The following LGSN variants were observed in gnomAD, a reference collection of about 807,000 sequenced individuals.
LGSN encodes the protein lengsin.
In LGSN, 21 loss-of-function variants were observed where a neutral mutation model predicts 19.5. That is an observed-to-expected ratio of 1.07 (90% CI 0.76 to 1.55). LGSN has a LOEUF of 1.55. LGSN is among the 40% of genes most tolerant of loss of function. The pLI is 0.00. For missense variants in LGSN, 673 were observed against 608.5 expected, an observed-to-expected ratio of 1.11 and a Z score of -1.12; for synonymous variants, 257 against 215.6, an observed-to-expected ratio of 1.19 and a Z score of -1.68.
At chr6:63,407,541 G>T in the LGSN span, among the ~76,000 whole-genome samples, 5 of 152,138 alleles carry the variant, frequency 3.3e-5, no homozygotes, top group South Asian at 8.3e-4. Context: ...AAAATAATAA[G>T]AACTATCTAT....
chr6:63,433,618 A>G, the LGSN span, among the ~76,000 whole-genome samples: 1 of 152,226 alleles, frequency 6.6e-6, no homozygotes, highest in Admixed American at 6.5e-5. Context: ...ACTTTTGCCA[A>G]TTGAAATAAT....
the LGSN span, among the ~76,000 whole-genome samples, chr6:63,404,112 T>C: frequency 6.6e-6 from 1 of 152,156 alleles, no homozygotes; most frequent in Non-Finnish European, 1.5e-5. Context: ...GACACTTTAA[T>C]TGCAGCCTAT....
At chr6:63,323,358 T>G (rs114025775), upstream of LGSN, among the ~76,000 whole-genome samples, 2,465 of 152,236 alleles carry the variant, frequency 0.016, 71 homozygotes, top group African/African-American at 0.057. Flanking sequence ...TAGTATACAT[T>G]GTACCTGTTA....
chr6:63,523,220 A>G, the LGSN span, among the ~76,000 whole-genome samples: 1 of 152,100 alleles, frequency 6.6e-6, no homozygotes, highest in Non-Finnish European at 1.5e-5. Flanking sequence ...AAAAACAACT[A>G]TAAAGTAAGT....
At chr6:63,437,988 G>A in the LGSN span, among the ~76,000 whole-genome samples, 9 of 152,056 alleles carry the variant, frequency 5.9e-5, no homozygotes, top group South Asian at 4.1e-4. Flanking sequence ...GTCTCTCTCC[G>A]TACTCTAATC....
intron 1 of LGSN, among the ~76,000 whole-genome samples, chr6:63,307,295 C>A (rs1202466261): frequency 6.6e-6 from 1 of 152,168 alleles, no homozygotes; most frequent in African/African-American, 2.4e-5. Context: ...CCCAAGCTCA[C>A]AAGTCTCATA....
chr6:63,544,439 C>T, the LGSN span, among the ~76,000 whole-genome samples: 1 of 152,040 alleles, frequency 6.6e-6, no homozygotes, highest in Non-Finnish European at 1.5e-5. Context: ...TATATATTCT[C>T]TTACATAACT....
chr6:63,436,127 T>C, the LGSN span, among the ~76,000 whole-genome samples: 1 of 152,164 alleles, frequency 6.6e-6, no homozygotes, highest in African/African-American at 2.4e-5. Flanking sequence ...GACCACCTCA[T>C]GTAAAGTAGC....
the LGSN span, among the ~76,000 whole-genome samples, chr6:63,358,450 C>T: frequency 1.3e-5 from 2 of 152,130 alleles, no homozygotes; most frequent in African/African-American, 4.8e-5. Context: ...AATATTGATT[C>T]TTCCTACCCA....
chr6:63,496,313 C>T, the LGSN span, among the ~76,000 whole-genome samples: 1 of 152,170 alleles, frequency 6.6e-6, no homozygotes, highest in Admixed American at 6.6e-5. Flanking sequence ...TAGATTTTGA[C>T]CTTACTGATG....
the LGSN span, among the ~76,000 whole-genome samples, chr6:63,558,855 A>T: frequency 1.3e-5 from 2 of 152,220 alleles, no homozygotes; most frequent in Non-Finnish European, 2.9e-5. Context: ...TTCAAGAAAG[A>T]AATAAAGATA....
the LGSN span, among the ~76,000 whole-genome samples, chr6:63,465,156 G>T: frequency 1.3e-4 from 19 of 151,718 alleles, no homozygotes; most frequent in Non-Finnish European, 7.4e-5. Flanking sequence ...CTACTACTGC[G>T]CGTCTATTTC....
rs147959896 is a variant in LGSN, at chr6:63,280,928, T to A, written c.623A>T (p.Tyr208Phe). ...SGFSLLSAFI[Y>F]DFCIFGVPEI... Reference sequence around the variant, plus strand: ...GGGCACACCAAAAATGCAAAAATCATAGATGAAAGCAGAAAGCAGGGAAAA... The same window carrying A: ...GGGCACACCAAAAATGCAAAAATCAAAGATGAAAGCAGAAAGCAGGGAAAA... Residue 208 changes from tyrosine (Y) to phenylalanine (F), a missense_variant, in exon 4 of 4, where the codon TAT (tyrosine) becomes TTT (phenylalanine). Coordinates refer to ENST00000370657, the MANE Select transcript of LGSN (RefSeq NM_016571.3). 6.2e-7 allele frequency: 1 copy of A among 1,614,004 alleles called. No homozygotes were observed. The highest frequency in any genetic ancestry group is 2.2e-5 in the East Asian group (1 of 44,860).
intron 1 of LGSN, among the ~76,000 whole-genome samples, chr6:63,308,452 A>C (rs1490463242): frequency 6.6e-6 from 1 of 152,182 alleles, no homozygotes; most frequent in Admixed American, 6.5e-5. Context: ...TAACTAAAAA[A>C]CGCTTAACCT....
the LGSN span, among the ~76,000 whole-genome samples, chr6:63,345,800 C>T: frequency 6.6e-6 from 1 of 152,092 alleles, no homozygotes; most frequent in Non-Finnish European, 1.5e-5. Flanking sequence ...TCATGGGTTC[C>T]ATAACCACAG....
chr6:63,481,713 C>A, the LGSN span: 28 of 180,306 alleles, frequency 1.6e-4, no homozygotes, highest in East Asian at 3.2e-3. Context: ...TTCAAGCAGT[C>A]CGCTTAGTCT....
At chr6:63,390,917 T>G in the LGSN span, among the ~76,000 whole-genome samples, 1 of 151,882 alleles carries the variant, frequency 6.6e-6, no homozygotes, top group East Asian at 1.9e-4. Context: ...GATAATATCC[T>G]TAACTTTCTT....
the LGSN span, among the ~76,000 whole-genome samples, chr6:63,332,923 G>A: frequency 2.6e-5 from 4 of 152,120 alleles, no homozygotes; most frequent in Admixed American, 1.3e-4. Flanking sequence ...CGCGGTGAGT[G>A]TTACAGCTCT....
chr6:63,346,947 T>C, the LGSN span, among the ~76,000 whole-genome samples: 1 of 152,136 alleles, frequency 6.6e-6, no homozygotes, highest in African/African-American at 2.4e-5. Context: ...GGGTAGCATC[T>C]CCTGGCGAAG....
Sources: gnomAD v4.1 joint callset for allele counts (sites outside exome capture counted in the v4.1 genomes callset) on GRCh38, gnomAD v4.1.1 for gene constraint, MANE v1.5 for transcripts, NCBI Gene and HGNC (gene_info 2026-07-23, HGNC 2026-07-21) for gene names.